The following ST8SIA4 variants were observed in gnomAD, a reference collection of about 807,000 sequenced individuals.
The protein encoded by ST8SIA4 is CMP-N-acetylneuraminate-poly-alpha-2,8-sialyltransferase.
A neutral mutation model predicts 33.9 loss-of-function variants in ST8SIA4; 15 were observed. That is an observed-to-expected ratio of 0.44 (90% confidence interval 0.30 to 0.68). The LOEUF is 0.68. ST8SIA4 is among the 30% of genes least tolerant of loss of function. The probability of loss-of-function intolerance (pLI) is 0.10; values close to 1 mark genes in which losing one functional copy is unlikely to be tolerated. For synonymous variants in ST8SIA4, 171 were observed against 151.2 expected (o/e 1.13, Z -0.96); for missense variants, 321 against 428.0 (o/e 0.75, Z 2.21).
In ST8SIA4 at chr5:100,808,976, A is replaced by AT. The variant is rs1252542785; in HGVS notation, c.*2870dup. 1.3e-5 allele frequency: 2 copies of AT among 152,598 alleles called. No individual in the cohort carries two copies. The highest frequency in any genetic ancestry group is 2.9e-5 in the Non-Finnish European group (2 of 68,014). The allele number at this position is 152,598 out of a possible 1,614,324, so 9.5% of individuals were successfully genotyped here. A position where few individuals can be genotyped will look rare whatever the true frequency, so the allele number is the denominator to read the frequency against. ...TGAAGCCCTTTTTTTCATGCTGAACATTTTTGGAAGTGGGCAATGTATTTA... is the reference window on the plus strand; with the variant it reads ...TGAAGCCCTTTTTTTCATGCTGAACATTTTTTGGAAGTGGGCAATGTATTTA... On this transcript the variant is annotated 3_prime_UTR_variant, in exon 5 of 5. Coordinates refer to ENST00000231461, the MANE Select transcript of ST8SIA4 (RefSeq NM_005668.6).
At chr5:100,863,744 A>G (rs1473130687) in intron 3 of ST8SIA4, among the ~76,000 whole-genome samples, 1 of 152,220 alleles carries the variant, frequency 6.6e-6, no homozygotes, top group African/African-American at 2.4e-5. Context: ...AATGCTATTA[A>G]TATCTTTAAT....
At chr5:100,900,368 C>G in intron 1 of ST8SIA4, 1 of 455,172 alleles carries the variant, frequency 2.2e-6, no homozygotes, top group Non-Finnish European at 4.4e-6. Context: ...CCAGTTTACT[C>G]AAAACTCAAA....
In ST8SIA4 at chr5:100,903,079, G is replaced by A. The variant is rs1218379141; in HGVS notation, c.-124C>T. 1.9e-5 allele frequency: 13 copies of A among 678,190 alleles called. No individual in the cohort carries two copies. The highest frequency in any genetic ancestry group is 5.3e-5 in the Admixed American group (2 of 37,620). The allele number at this position is 678,190 out of a possible 1,614,324, so 42.0% of individuals were successfully genotyped here. On this transcript the variant is annotated 5_prime_UTR_variant, in exon 1 of 5. Transcript: ENST00000231461. ...AAAATGCGAGGAGAGCTTGGAGCCG[G>A]GATCCCGGGATCAGATCACTGGGGT... is the stretch of plus-strand genomic sequence containing the variant.
intron 4 of ST8SIA4, among the ~76,000 whole-genome samples, chr5:100,846,250 C>T (rs752365019): frequency 6.6e-6 from 1 of 151,908 alleles, no homozygotes; most frequent in Non-Finnish European, 1.5e-5. Context: ...CTCAATTCTG[C>T]TTGGTTCCCT....
intron 3 of ST8SIA4, among the ~76,000 whole-genome samples, chr5:100,861,187 TAC>T (rs144525130): frequency 5.3e-5 from 8 of 150,122 alleles, no homozygotes; most frequent in Non-Finnish European, 8.9e-5. Context: ...AATACACACA[TAC>T]ACACACACAC....
chr5:100,896,762 T>A (rs1332018444), intron 1 of ST8SIA4, among the ~76,000 whole-genome samples: 1 of 152,198 alleles, frequency 6.6e-6, no homozygotes, highest in Non-Finnish European at 1.5e-5. Flanking sequence ...TAGCTCTGTT[T>A]AGACAACAGA....
At chr5:100,856,856 G>C (rs1043837966) in intron 3 of ST8SIA4, among the ~76,000 whole-genome samples, 8 of 152,170 alleles carry the variant, frequency 5.3e-5, no homozygotes, top group African/African-American at 1.4e-4. Flanking sequence ...CTTTGTAAGT[G>C]TAAGGAAATA....
intron 2 of ST8SIA4, among the ~76,000 whole-genome samples, chr5:100,889,318 C>T (rs917525744): frequency 2.0e-5 from 3 of 151,962 alleles, no homozygotes; most frequent in East Asian, 1.9e-4. Flanking sequence ...AGAGACTACA[C>T]GGATGTGGTT....
intron 4 of ST8SIA4, among the ~76,000 whole-genome samples, chr5:100,813,631 G>T (rs2112394929): frequency 6.6e-6 from 1 of 152,130 alleles, no homozygotes; most frequent in East Asian, 1.9e-4. Context: ...TATGCAAGGA[G>T]CATAGTCAAA....
At chr5:100,864,496 A>T (rs1752019342) in intron 3 of ST8SIA4, among the ~76,000 whole-genome samples, 1 of 148,602 alleles carries the variant, frequency 6.7e-6, no homozygotes, top group African/African-American at 2.5e-5. Flanking sequence ...AATGGCGTGA[A>T]CCTGGGAGTT....
chr5:100,813,000 A>G lies in ST8SIA4; in HGVS notation c.798-871T>C, dbSNP rs566653749. Reference sequence around the variant, plus strand: ...TCAAAGTTGTCCAATGATAAACACAAAAACTTAATAAGTTTAAAAATTATT... The same window carrying G: ...TCAAAGTTGTCCAATGATAAACACAGAAACTTAATAAGTTTAAAAATTATT... On this transcript the variant is annotated intron_variant, in intron 4 of 4. Coordinates refer to ENST00000231461, the MANE Select transcript of ST8SIA4 (RefSeq NM_005668.6). 3.3e-5 allele frequency among the ~76,000 whole-genome samples: 5 copies of G among 152,184 alleles called. No homozygotes were observed. The East Asian group carries it at 9.6e-4, about 29-fold the overall frequency.
At chr5:100,861,200 ACAC>A (rs1003454663) in intron 3 of ST8SIA4, among the ~76,000 whole-genome samples, 1 of 152,116 alleles carries the variant, frequency 6.6e-6, no homozygotes, top group African/African-American at 2.4e-5. Context: ...ACACACACAC[ACAC>A]CACATTTTAT....
chr5:100,828,170 G>A (rs972732539), intron 4 of ST8SIA4, among the ~76,000 whole-genome samples: 1 of 152,138 alleles, frequency 6.6e-6, no homozygotes, highest in Admixed American at 6.5e-5. Context: ...GAGAGCCTGG[G>A]GTTCTGGGGG....
rs762506050 is a variant in ST8SIA4, at chr5:100,856,250, A to G, written c.650T>C (p.Met217Thr). ...DREKFVHRLS[M>T]LNDSVLWIPA... ...AATCCAAAGGACACTGTCATTCAGCATGGAAAGTCTATGCACAAATTTTTC... is the reference window on the plus strand; with the variant it reads ...AATCCAAAGGACACTGTCATTCAGCGTGGAAAGTCTATGCACAAATTTTTC... The change falls in exon 4 of 5, where the codon ATG becomes ACG. Residue 217 changes from methionine (M) to threonine (T), a missense_variant. Transcript: ENST00000231461. 4 of 1,614,154 alleles carry G rather than the reference A, an allele frequency of 2.5e-6. No individual in the cohort carries two copies. The highest frequency in any genetic ancestry group is 2.2e-5 in the East Asian group (1 of 44,872).
chr5:100,853,325 C>A (rs1487116484), intron 4 of ST8SIA4, among the ~76,000 whole-genome samples: 1 of 152,168 alleles, frequency 6.6e-6, no homozygotes, highest in Non-Finnish European at 1.5e-5. Flanking sequence ...TTCACACGTA[C>A]ACCATGTGTA....
At chr5:100,873,312 G>A (rs1452240017) in intron 3 of ST8SIA4, among the ~76,000 whole-genome samples, 1 of 151,996 alleles carries the variant, frequency 6.6e-6, no homozygotes, top group East Asian at 1.9e-4. Flanking sequence ...AAGCTAGAGG[G>A]AAGATGAGGA....
chr5:100,869,539 C>G (rs190754998), intron 3 of ST8SIA4, among the ~76,000 whole-genome samples: 16 of 152,196 alleles, frequency 1.1e-4, no homozygotes, highest in African/African-American at 3.8e-4. Context: ...GGTGCCTTCT[C>G]TTTCATATAT....
chr5:100,857,243 T>G, intron 3 of ST8SIA4, among the ~76,000 whole-genome samples: 1 of 151,976 alleles, frequency 6.6e-6, no homozygotes, highest in Admixed American at 6.6e-5. Flanking sequence ...GTTATTTATA[T>G]TTATATAATC....
At chr5:100,836,995 AACAC>A (rs143119843) in intron 4 of ST8SIA4, among the ~76,000 whole-genome samples, 60,568 of 146,090 alleles carry the variant, frequency 0.41, 12,647 homozygotes, top group Middle Eastern at 0.49. Context: ...TTAGTGCTAA[AACAC>A]ACACACACAC....
Sources: allele counts gnomAD v4.1 joint callset (sites outside exome capture counted in the v4.1 genomes callset), GRCh38; gene constraint gnomAD v4.1.1; transcripts MANE v1.5; gene names NCBI Gene and HGNC (gene_info 2026-07-23, HGNC 2026-07-21).